The following WAPL variants were observed in gnomAD, a reference collection of about 807,000 sequenced individuals.
WAPL encodes WAPL cohesin release factor.
In WAPL, 5 loss-of-function variants were observed where a neutral mutation model predicts 121.0. That is an observed-to-expected ratio of 0.04 (90% CI 0.02 to 0.09). WAPL has a LOEUF of 0.09. Among genes scored for constraint, WAPL ranks in the 10% least tolerant of loss-of-function variants. The pLI is 1.00. For synonymous variants in WAPL, 480 were observed against 481.5 expected (o/e 1.00, Z 0.04); for missense variants, 999 against 1,410.8 (o/e 0.71, Z 4.68).
chr10:86,467,206 C>T (rs1589509254), intron 9 of WAPL, 73 bp downstream of exon 9: 1 of 1,388,556 alleles, frequency 7.2e-7, no homozygotes, highest in Admixed American at 1.9e-5. Context: ...CCCACAGTCA[C>T]ACAGCTACTG....
intron 2 of WAPL, among the ~76,000 whole-genome samples, chr10:86,501,983 C>T (rs1196986573): frequency 6.6e-6 from 1 of 152,216 alleles, no homozygotes; most frequent in Non-Finnish European, 1.5e-5. Flanking sequence ...TGAGCCACCA[C>T]GTCCAGCCTC....
chr10:86,453,715 G>A lies in WAPL; in HGVS notation c.2774C>T (p.Ala925Val). 1.2e-6 allele frequency: 2 copies of A among 1,614,108 alleles called. No individual in the cohort carries two copies. The highest frequency in any genetic ancestry group is 1.7e-6 in the Non-Finnish European group (2 of 1,180,012). ...GATGGCCCTCATGCAGTCCTCCACT[G>A]CTTTGCCTACATGGTTAGTTACATT... ...HQNVTNHVGK[A>V]VEDCMRAIIG... The change falls in exon 13 of 19, where the codon GCA (alanine) becomes GTA (valine). Residue 925 changes from alanine to valine, a missense_variant. Ala to Val is a moderately conservative substitution (Grantham distance 64, BLOSUM62 0). Transcript: ENST00000298767.
At chr10:86,464,246 T>C (rs1841350385) in intron 9 of WAPL, among the ~76,000 whole-genome samples, 1 of 152,190 alleles carries the variant, frequency 6.6e-6, no homozygotes, top group Non-Finnish European at 1.5e-5. Context: ...AATCCTAAAA[T>C]TGACAAGTGT....
chr10:86,485,524 G>A (rs1028677988), intron 4 of WAPL, among the ~76,000 whole-genome samples: 6 of 151,900 alleles, frequency 3.9e-5, no homozygotes, highest in Admixed American at 1.3e-4. Context: ...GCAACAGAGC[G>A]AGACTCCATA....
intron 8 of WAPL, among the ~76,000 whole-genome samples, chr10:86,467,795 G>A (rs1841434341): frequency 6.6e-6 from 1 of 151,336 alleles, no homozygotes; most frequent in African/African-American, 2.4e-5. Context: ...TCCTGCCTCA[G>A]CCTCCTGAGT....
In WAPL at chr10:86,497,263, T is replaced by C. The variant is rs199670193; in HGVS notation, c.1582A>G (p.Ile528Val). Residue 528 changes from isoleucine (I) to valine (V), a missense_variant, in exon 4 of 19, where the codon ATA becomes GTA. Coordinates refer to ENST00000298767, the MANE Select transcript of WAPL (RefSeq NM_015045.5). ...PGVPESVKKP[I>V]NKQGDKSKEN... ...TTTGATTTATCTCCTTGTTTATTTATGGGCTTCTTCACACTTTCAGGCACA... is the reference window on the plus strand; with the variant it reads ...TTTGATTTATCTCCTTGTTTATTTACGGGCTTCTTCACACTTTCAGGCACA... The C allele has an allele frequency of 4.1e-5, 66 of 1,613,332 alleles. No homozygotes were observed. In the Admixed American group the frequency reaches 5.5e-4, roughly 13 times the overall value.
intron 17 of WAPL, among the ~76,000 whole-genome samples, chr10:86,442,574 T>C (rs1404789506): frequency 6.6e-6 from 1 of 152,192 alleles, no homozygotes; most frequent in East Asian, 1.9e-4. Context: ...AAAGATCAAC[T>C]TTATTTCACT....
chr10:86,487,886 C>G lies in WAPL; in HGVS notation c.1644+9315G>C, dbSNP rs1201793818. 2.6e-5 allele frequency among the ~76,000 whole-genome samples: 4 copies of G among 152,114 alleles called. No homozygotes were observed. The East Asian group carries it at 7.7e-4, about 29-fold the overall frequency. ...CTCCAGCCTGGGCAACAGAGCAAGACTCTGTCTCAAAACAAACAAACAAAC... is the reference window on the plus strand; with the variant it reads ...CTCCAGCCTGGGCAACAGAGCAAGAGTCTGTCTCAAAACAAACAAACAAAC... On this transcript the variant is annotated intron_variant, in intron 4 of 18. Transcript: ENST00000298767.
intron 3 of WAPL, among the ~76,000 whole-genome samples, chr10:86,497,577 T>C (rs1266211853): frequency 1.3e-5 from 2 of 152,184 alleles, no homozygotes; most frequent in Non-Finnish European, 2.9e-5. Flanking sequence ...TTATGTCAAA[T>C]GGAAAAATCA....
chr10:86,473,632 A>G (rs1745932722), intron 5 of WAPL, among the ~76,000 whole-genome samples: 1 of 152,208 alleles, frequency 6.6e-6, no homozygotes, highest in Admixed American at 6.5e-5. Flanking sequence ...GTGGGTCATG[A>G]GTAACAAGAG....
intron 15 of WAPL, among the ~76,000 whole-genome samples, chr10:86,446,675 A>C (rs1406798032): frequency 6.6e-6 from 1 of 152,242 alleles, no homozygotes; most frequent in Non-Finnish European, 1.5e-5. Context: ...ATAATGATGC[A>C]AGAATGAGTC....
intron 2 of WAPL, among the ~76,000 whole-genome samples, chr10:86,516,425 G>A (rs953704602): frequency 6.6e-5 from 10 of 152,196 alleles, no homozygotes; most frequent in South Asian, 4.1e-4. Flanking sequence ...GGACAAATTT[G>A]CCTTAAGAAT....
intron 8 of WAPL, among the ~76,000 whole-genome samples, chr10:86,468,483 C>A (rs1351744805): frequency 6.6e-6 from 1 of 151,824 alleles, no homozygotes; most frequent in Non-Finnish European, 1.5e-5. Flanking sequence ...CAGGCGTGAG[C>A]CACCACGCCC....
chr10:86,450,302 C>T (rs1840946030), intron 15 of WAPL, among the ~76,000 whole-genome samples: 1 of 152,104 alleles, frequency 6.6e-6, no homozygotes, highest in Non-Finnish European at 1.5e-5. Flanking sequence ...GTACTGTAAT[C>T]ACGGCTCACG....
Position 86,435,376 on chromosome 10 carries a change from C to T in WAPL, c.*2167G>A, listed in dbSNP as rs1461304978. 6.6e-6 allele frequency: 1 copy of T among 152,536 alleles called. No individual in the cohort carries two copies. Among genetic ancestry groups the T allele is most frequent in the Non-Finnish European group, 1.5e-5 (1 of 68,026 alleles). 9.4% of individuals were successfully genotyped at this position (152,536 alleles called of 1,614,324 possible). A position where few individuals can be genotyped will look rare whatever the true frequency, so the allele number is the denominator to read the frequency against. ...TTGGCTTTTGCTCCAAAGATCACAG[C>T]TGAGAAATACTGTATAAAATAAAAA... On this transcript the variant is annotated 3_prime_UTR_variant, in exon 19 of 19. Coordinates refer to ENST00000298767, the MANE Select transcript of WAPL (RefSeq NM_015045.5).
rs769989074 is a variant in WAPL at position 86,453,850 on chromosome 10, A to G, written c.2658-19T>C. 1 of 1,500,724 alleles carries G rather than the reference A, an allele frequency of 6.7e-7. No homozygotes were observed. Among genetic ancestry groups the G allele is most frequent in the South Asian group, 1.4e-5 (1 of 73,784 alleles). The allele number at this position is 1,500,724 out of a possible 1,614,324, so 93.0% of individuals were successfully genotyped here. On this transcript the variant is annotated intron_variant, in intron 12 of 18. Transcript: ENST00000298767. ...TAATGCTCTTAAAAGGAAATAAAATATAGACTATTATAGTAAATAATAATA... is the reference window on the plus strand; with the variant it reads ...TAATGCTCTTAAAAGGAAATAAAATGTAGACTATTATAGTAAATAATAATA...
In WAPL at chr10:86,500,543, T is replaced by G. The variant is rs1842228577; in HGVS notation, c.700A>C (p.Thr234Pro). 2 of 1,614,036 alleles carry G rather than the reference T, an allele frequency of 1.2e-6. No individual in the cohort carries two copies. Among genetic ancestry groups the G allele is most frequent in the Non-Finnish European group, 1.7e-6 (2 of 1,180,032 alleles). Residue 234 changes from threonine (T) to proline (P), a missense_variant, in exon 3 of 19, where the codon ACT (threonine) becomes CCT (proline). Thr to Pro is a conservative substitution (Grantham distance 38). Around this residue, in one of 7 missense-constraint regions of WAPL, gnomAD observed 531 missense variants for 563.1 expected, o/e 0.94. Transcript: ENST00000298767. ...TCATTATCCCATTCAAACAAACCAG[T>G]TCTAACAGATCCCTTGATTGGAGAT... is the stretch of plus-strand genomic sequence containing the variant. ...EISPIKGSVR[T>P]GLFEWDNDFE...
chr10:86,457,344 A>AAAAAG (rs1307001138), intron 12 of WAPL, among the ~76,000 whole-genome samples: 3 of 151,090 alleles, frequency 2.0e-5, no homozygotes, highest in African/African-American at 4.9e-5. Context: ...AAAAAAAAAA[A>AAAAAG]AGAGAGTGCT....
chr10:86,438,842 CTTCA>C (rs1849391797), intron 17 of WAPL, among the ~76,000 whole-genome samples: 1 of 152,158 alleles, frequency 6.6e-6, no homozygotes, highest in Admixed American at 6.5e-5. Context: ...AGAGAAAACC[CTTCA>C]TTATTAGCAA....
Sources: gnomAD v4.1 joint callset for allele counts (sites outside exome capture counted in the v4.1 genomes callset) on GRCh38, gnomAD v4.1.1 for gene constraint, gnomAD v4.1.1 regional missense constraint, MANE v1.5 for transcripts, NCBI Gene and HGNC (gene_info 2026-07-23, HGNC 2026-07-21) for gene names.